MPDZ: variants seen among roughly 807,000 people sequenced by gnomAD.
MPDZ encodes multiple PDZ domain protein.
In MPDZ, 234 loss-of-function variants were observed where a neutral mutation model predicts 239.1. That is an observed-to-expected ratio of 0.98 (90% CI 0.88 to 1.09). The LOEUF is 1.09. Among genes scored for constraint, MPDZ ranks in the 50% least tolerant of loss-of-function variants. The pLI is 0.00. For synonymous variants in MPDZ, 1,048 were observed against 881.3 expected (o/e 1.19, Z -3.35); for missense variants, 3,175 against 2,510.0 (o/e 1.26, Z -5.66).
rs938420215 is a variant in MPDZ, at chr9:13,206,215, T to C, written c.1291-116A>G. 3 of 967,882 alleles carry C rather than the reference T, an allele frequency of 3.1e-6. No individual in the cohort carries two copies. The African/African-American group carries it at 5.0e-5, about 16-fold the overall frequency. 60.0% of individuals were successfully genotyped at this position (967,882 alleles called of 1,614,324 possible). A position where few individuals can be genotyped will look rare whatever the true frequency, so the allele number is the denominator to read the frequency against. ...GTGTGAAAAGAATGGAGAATAAGTA[T>C]TCACCTTATCAGGGAATTGACAGTA... On this transcript the variant is annotated intron_variant, in intron 10 of 46. Transcript: ENST00000319217.
At chr9:13,236,879 G>A (rs1322466861) in intron 3 of MPDZ, among the ~76,000 whole-genome samples, 6 of 151,184 alleles carry the variant, frequency 4.0e-5, no homozygotes, top group South Asian at 4.2e-4. Context: ...AGTTTCCACC[G>A]AGATCCTAAT....
chr9:13,257,297 A>G (rs1462841137), intron 1 of MPDZ, among the ~76,000 whole-genome samples: 1 of 152,146 alleles, frequency 6.6e-6, no homozygotes, highest in Non-Finnish European at 1.5e-5. Context: ...GCTCCCCACA[A>G]TAGCCTCCCG....
chr9:13,224,535 G>A lies in MPDZ; in HGVS notation c.232C>T (p.Pro78Ser), dbSNP rs771710327. 6.2e-6 allele frequency: 10 copies of A among 1,612,380 alleles called. No individual in the cohort carries two copies. Among genetic ancestry groups the A allele is most frequent in the Admixed American group, 1.7e-5 (1 of 59,820 alleles). ...GGAATCACAGCTGGGCTGAGATGAG[G>A]AACGTGGGCATATTCAATATTTGAA... Reference protein sequence around the residue: ...ATSNIEYAHVPHLSPAVIPTL... With the variant: ...ATSNIEYAHVSHLSPAVIPTL... The change falls in exon 4 of 47, where the codon CCT (proline) becomes TCT (serine). Residue 78 changes from proline to serine, a missense_variant. Coordinates refer to ENST00000319217, the MANE Select transcript of MPDZ (RefSeq NM_001378778.1).
intron 22 of MPDZ, among the ~76,000 whole-genome samples, chr9:13,163,834 T>C (rs993621614): frequency 1.3e-5 from 2 of 152,156 alleles, no homozygotes; most frequent in Non-Finnish European, 2.9e-5. Flanking sequence ...TTTATACCAA[T>C]GTCATAATTT....
intron 45 of MPDZ, 57 bp from the exon 46 acceptor site, chr9:13,109,116 T>C: frequency 8.5e-7 from 1 of 1,178,474 alleles, no homozygotes; most frequent in Non-Finnish European, 1.1e-6. Context: ...ACTATACATA[T>C]ATGTTATGAA....
At chr9:13,125,123 G>T in intron 35 of MPDZ, 93 bp downstream of exon 35, 1 of 1,223,112 alleles carries the variant, frequency 8.2e-7, no homozygotes. Flanking sequence ...CAAACAGTGA[G>T]CCACAGGTAG....
In MPDZ at chr9:13,113,291, A is replaced by G. The variant is rs373441968; in HGVS notation, c.5558-237T>C. On this transcript the variant is annotated intron_variant, in intron 41 of 46. Transcript: ENST00000319217. ...CCTTCTCATTTTAAGTGTTGATTAT[A>G]TAACTATGTAATCCACTTTGAATGA... 2.6e-4 allele frequency among the ~76,000 whole-genome samples: 39 copies of G among 152,286 alleles called. 1 individual carries two copies. In the East Asian group the frequency reaches 4.6e-3, roughly 18 times the overall value.
chr9:13,143,606 AT>A (rs748229879), intron 26 of MPDZ, 42 bp from the exon 27 acceptor site: 1 of 1,508,582 alleles, frequency 6.6e-7, no homozygotes, highest in African/African-American at 1.4e-5. Context: ...AAGGAAATGT[AT>A]TGAAAACAAC....
intron 32 of MPDZ, among the ~76,000 whole-genome samples, chr9:13,131,761 T>G (rs1424457407): frequency 1.3e-5 from 2 of 152,170 alleles, no homozygotes; most frequent in African/African-American, 4.8e-5. Context: ...TTCTGTACGT[T>G]AAGTCCCTAT....
intron 40 of MPDZ, 62 bp downstream of exon 40, chr9:13,115,186 C>A: frequency 7.1e-7 from 1 of 1,408,436 alleles, no homozygotes; most frequent in Non-Finnish European, 1.0e-6. Flanking sequence ...ACAGTCAGGG[C>A]CATCTATGTG....
At position 13,112,956 on chromosome 9, in the gene MPDZ, A is replaced by C. The variant is rs1263997590; in HGVS notation, c.5601+55T>G. 12 of 1,455,748 alleles carry C rather than the reference A, an allele frequency of 8.2e-6. No homozygotes were observed. In the Middle Eastern group the frequency reaches 5.2e-4, roughly 63 times the overall value. 90.2% of individuals were successfully genotyped at this position (1,455,748 alleles called of 1,614,324 possible). A position where few individuals can be genotyped will look rare whatever the true frequency, so the allele number is the denominator to read the frequency against. ...TAAGAAAGTTAACAAGAAAACACAT[A>C]TGAAGATGTCTCTTAAAACGCCAGG... On this transcript the variant is annotated intron_variant, in intron 42 of 46. Transcript: ENST00000319217.
At chr9:13,184,893 T>C (rs1953881313) in intron 18 of MPDZ, among the ~76,000 whole-genome samples, 1 of 151,998 alleles carries the variant, frequency 6.6e-6, no homozygotes, top group South Asian at 2.1e-4. Context: ...AGGACGCATA[T>C]TACTATTATA....
chr9:13,194,215 T>C lies in MPDZ; in HGVS notation c.1657-902A>G, dbSNP rs191205225. Among the ~76,000 whole-genome samples, 7 of 152,256 alleles carry C rather than the reference T, an allele frequency of 4.6e-5. No individual in the cohort carries two copies. In the East Asian group the frequency reaches 1.2e-3, roughly 25 times the overall value. On this transcript the variant is annotated intron_variant, in intron 13 of 46. Transcript: ENST00000319217. ...ATTACCTTTATCTTGCCAAGGCCCA[T>C]AAATATCTTAGTCCTTTTTCATTTA...
chr9:13,253,975 C>T (rs143623884), intron 1 of MPDZ, among the ~76,000 whole-genome samples: 6 of 152,302 alleles, frequency 3.9e-5, no homozygotes, highest in African/African-American at 9.6e-5. Flanking sequence ...AAGGCCACAT[C>T]GCTAGTAAGT....
At chr9:13,247,339 C>T (rs1966796385) in intron 3 of MPDZ, among the ~76,000 whole-genome samples, 1 of 152,190 alleles carries the variant, frequency 6.6e-6, no homozygotes, top group Non-Finnish European at 1.5e-5. Flanking sequence ...ACTAAGTCTA[C>T]AGCCAACCAT....
At chr9:13,243,903 C>T (rs990288) in intron 3 of MPDZ, among the ~76,000 whole-genome samples, 147,358 of 152,296 alleles carry the variant, frequency 0.97, 71,459 homozygotes, top group Non-Finnish European at 1. Flanking sequence ...CTGAAGGTCA[C>T]TGACGAGGAG....
intron 27 of MPDZ, among the ~76,000 whole-genome samples, chr9:13,142,202 A>G (rs1032524019): frequency 6.6e-6 from 1 of 152,182 alleles, no homozygotes; most frequent in Non-Finnish European, 1.5e-5. Flanking sequence ...ATCTTGCTGC[A>G]TAATTTTTCT....
At chr9:13,110,601 T>C (rs1213519212) in intron 44 of MPDZ, 35 bp downstream of exon 44, 1 of 1,471,552 alleles carries the variant, frequency 6.8e-7, no homozygotes, top group Admixed American at 1.7e-5. Context: ...TCAGGCTACC[T>C]ATATTCTGAA....
rs1336336754 is a variant in MPDZ at position 13,217,192 on chromosome 9, C to T, written c.1189G>A (p.Asp397Asn). 6.3e-7 allele frequency: 1 copy of T among 1,583,394 alleles called. No individual in the cohort carries two copies. The highest frequency in any genetic ancestry group is 2.3e-5 in the East Asian group (1 of 44,318). Residue 397 changes from aspartate to asparagine, a missense_variant, in exon 9 of 47, where the codon GAT (aspartate) becomes AAT (asparagine). Coordinates refer to ENST00000319217, the MANE Select transcript of MPDZ (RefSeq NM_001378778.1). Reference protein sequence around the residue: ...LGITIAGYIGDKKLEPSGIFV... With the variant: ...LGITIAGYIGNKKLEPSGIFV... ...TGTTTAAAATTACCCAATTTTTTATCTCCAATGTAGCCAGCAATGGTAATT... is the reference window on the plus strand; with the variant it reads ...TGTTTAAAATTACCCAATTTTTTATTTCCAATGTAGCCAGCAATGGTAATT...
Sources: allele counts gnomAD v4.1 joint callset (sites outside exome capture counted in the v4.1 genomes callset), GRCh38; gene constraint gnomAD v4.1.1; transcripts MANE v1.5; gene names NCBI Gene and HGNC (gene_info 2026-07-23, HGNC 2026-07-21).